Variants in RANBP3L observed in about 807,000 individuals in gnomAD.
RANBP3L encodes RAN binding protein 3 like, also known as ran-binding protein 3-like.
Under a neutral mutation model 67.2 loss-of-function variants are expected in RANBP3L, and 56 were observed. The observed-to-expected ratio is 0.83, with a 90% CI of 0.67 to 1.04. The LOEUF (loss-of-function observed/expected upper bound fraction) is 1.04. RANBP3L is among the 50% of genes least tolerant of loss of function. The probability of loss-of-function intolerance (pLI) is 0.00; values close to 1 mark genes in which losing one functional copy is unlikely to be tolerated. For missense variants in RANBP3L, 496 were observed against 535.5 expected, an observed-to-expected ratio of 0.93 and a Z score of 0.73; for synonymous variants, 164 against 181.4, an observed-to-expected ratio of 0.90 and a Z score of 0.77.
At chr5:36,291,056 A>G (rs1751716693) in intron 1 of RANBP3L, among the ~76,000 whole-genome samples, 4 of 152,028 alleles carry the variant, frequency 2.6e-5, no homozygotes, top group Admixed American at 2.0e-4. Context: ...GCTTTTTTGT[A>G]GTGGTAAAAT....
chr5:36,291,079 A>C (rs1394609074), intron 1 of RANBP3L, among the ~76,000 whole-genome samples: 1 of 151,728 alleles, frequency 6.6e-6, no homozygotes, highest in Admixed American at 6.6e-5. Flanking sequence ...ACTTACCATA[A>C]AATGTATCAT....
At chr5:36,267,290 C>T (rs1208197126) in intron 4 of RANBP3L, among the ~76,000 whole-genome samples, 6 of 151,980 alleles carry the variant, frequency 3.9e-5, no homozygotes, top group East Asian at 1.9e-4. Context: ...GGGCGGATCA[C>T]GAGGTCAAGA....
chr5:36,278,562 G>C (rs1164415876), intron 1 of RANBP3L, among the ~76,000 whole-genome samples: 1 of 152,126 alleles, frequency 6.6e-6, no homozygotes, highest in African/African-American at 2.4e-5. Context: ...TACTCTAGTA[G>C]TCACTAGTTA....
At chr5:36,263,792 G>T (rs1749560759) in intron 6 of RANBP3L, among the ~76,000 whole-genome samples, 1 of 152,194 alleles carries the variant, frequency 6.6e-6, no homozygotes, top group Admixed American at 6.5e-5. Context: ...CTCCCGAAGT[G>T]CTAGGATTAA....
At chr5:36,277,334 A>T (rs1372699355) in intron 1 of RANBP3L, among the ~76,000 whole-genome samples, 1 of 151,340 alleles carries the variant, frequency 6.6e-6, no homozygotes, top group Non-Finnish European at 1.5e-5. Context: ...TGGATTTTAG[A>T]GCTTGGAAGT....
At chr5:36,298,235 G>A (rs910298569) in intron 1 of RANBP3L, among the ~76,000 whole-genome samples, 4 of 151,436 alleles carry the variant, frequency 2.6e-5, no homozygotes, top group Non-Finnish European at 5.9e-5. Context: ...GGGAGGCAGA[G>A]GTTGCAGTGA....
chr5:36,283,726 T>C (rs931213889), intron 1 of RANBP3L, among the ~76,000 whole-genome samples: 1 of 152,188 alleles, frequency 6.6e-6, no homozygotes, highest in East Asian at 1.9e-4. Context: ...AACAATTCCT[T>C]AAACAGGTCA....
At chr5:36,252,593 T>C (rs1222380013) in intron 12 of RANBP3L, among the ~76,000 whole-genome samples, 1 of 152,124 alleles carries the variant, frequency 6.6e-6, no homozygotes, top group Non-Finnish European at 1.5e-5. Context: ...TATGTATGTA[T>C]ATTCTTACAC....
intron 6 of RANBP3L, 69 bp downstream of exon 6, chr5:36,264,890 G>A (rs1749645652): frequency 2.0e-6 from 3 of 1,478,426 alleles, no homozygotes; most frequent in Non-Finnish European, 2.8e-6. Flanking sequence ...TGGATATGGG[G>A]GCCCCAAACA....
intron 9 of RANBP3L, 29 bp from the exon 10 acceptor site, chr5:36,257,100 A>G (rs757616590): frequency 6.3e-7 from 1 of 1,589,016 alleles, no homozygotes; most frequent in Admixed American, 1.7e-5. Context: ...AAAACACTTA[A>G]AAGTCCCCAT....
At chr5:36,277,648 A>G (rs552292514) in intron 1 of RANBP3L, among the ~76,000 whole-genome samples, 135 of 152,170 alleles carry the variant, frequency 8.9e-4, no homozygotes, top group African/African-American at 3.0e-3. Flanking sequence ...CTATCCACAC[A>G]TACATAAACA....
Position 36,247,613 on chromosome 5 carries a change from T to C in RANBP3L, c.*2041A>G, listed in dbSNP as rs908972458. Among the ~76,000 whole-genome samples the C allele has an allele frequency of 2.0e-5, 3 of 152,210 alleles. No homozygotes were observed. Among genetic ancestry groups the C allele is most frequent in the Non-Finnish European group, 2.9e-5 (2 of 68,030 alleles). ...AAAAGATAAAGATGACCAGGTGTGG[T>C]GGCTCACGCCTGTAATCCCAACACT... On this transcript the variant is annotated 3_prime_UTR_variant, in exon 14 of 14. Transcript: ENST00000296604.
intron 1 of RANBP3L, among the ~76,000 whole-genome samples, chr5:36,292,567 T>A (rs1276151878): frequency 1.3e-5 from 2 of 152,198 alleles, no homozygotes; most frequent in Non-Finnish European, 2.9e-5. Flanking sequence ...CATCTTGAAT[T>A]GATTTTTGTA....
Position 36,249,547 on chromosome 5 carries a change from A to G in RANBP3L, c.*107T>C. 5.8e-6 allele frequency: 3 copies of G among 518,254 alleles called. No individual in the cohort carries two copies. The allele number at this position is 518,254 out of a possible 1,614,324, so 32.1% of individuals were successfully genotyped here. On this transcript the variant is annotated 3_prime_UTR_variant, in exon 14 of 14. Transcript: ENST00000296604. ...TTACATTTCTTAAACTTTTCTATAA[A>G]AACTCTTCAAGGAATGAATAGAATC...
At chr5:36,301,181 C>A (rs1752583451) in intron 1 of RANBP3L, 145 bp downstream of exon 1, 2 of 666,278 alleles carry the variant, frequency 3.0e-6, no homozygotes, top group Admixed American at 4.4e-5. Context: ...CTCTAAAAAT[C>A]AATAGTGAAT....
intron 8 of RANBP3L, 59 bp from the exon 9 acceptor site, chr5:36,257,615 T>G: frequency 1.3e-6 from 1 of 760,690 alleles, no homozygotes; most frequent in Non-Finnish European, 2.1e-6. Context: ...TTATCCCTAC[T>G]ATGTTTGCAG....
chr5:36,296,828 A>G, intron 1 of RANBP3L, among the ~76,000 whole-genome samples: 1 of 152,148 alleles, frequency 6.6e-6, no homozygotes, highest in East Asian at 1.9e-4. Flanking sequence ...GTCTCATCTA[A>G]TCAGTCAAAG....
At chr5:36,297,568 C>T (rs905850246) in intron 1 of RANBP3L, among the ~76,000 whole-genome samples, 7 of 152,054 alleles carry the variant, frequency 4.6e-5, no homozygotes, top group African/African-American at 1.7e-4. Flanking sequence ...TTTAAAGCAC[C>T]ATAATACATA....
intron 6 of RANBP3L, among the ~76,000 whole-genome samples, chr5:36,264,413 T>C (rs1749609281): frequency 6.6e-6 from 1 of 152,220 alleles, no homozygotes; most frequent in African/African-American, 2.4e-5. Context: ...ACTGTCTGTT[T>C]AGAAAGGCCT....
Sources: allele counts gnomAD v4.1 joint callset (sites outside exome capture counted in the v4.1 genomes callset), GRCh38; gene constraint gnomAD v4.1.1; transcripts MANE v1.5; gene names NCBI Gene and HGNC (gene_info 2026-07-23, HGNC 2026-07-21).